Variants in JARID2 observed in about 807,000 individuals in gnomAD.
The protein encoded by JARID2 is protein Jumonji.
In JARID2, 21 loss-of-function variants were observed where a neutral mutation model predicts 125.6. That is an observed-to-expected ratio of 0.17 (90% CI 0.12 to 0.24). JARID2 has a LOEUF of 0.24. JARID2 is among the 10% of genes least tolerant of loss of function. The probability of loss-of-function intolerance (pLI) is 1.00; values close to 1 mark genes in which losing one functional copy is unlikely to be tolerated. For missense variants in JARID2, 1,303 were observed against 1,639.6 expected, an observed-to-expected ratio of 0.79 and a Z score of 3.55; for synonymous variants, 736 against 661.6, an observed-to-expected ratio of 1.11 and a Z score of -1.73.
intron 3 of JARID2, among the ~76,000 whole-genome samples, chr6:15,416,714 AG>A: frequency 1.1e-5 from 1 of 89,806 alleles, no homozygotes; most frequent in Non-Finnish European, 2.1e-5. Context: ...GGAGAGGGAG[AG>A]GGAGAGGGGG....
intron 2 of JARID2, among the ~76,000 whole-genome samples, chr6:15,388,692 G>A (rs1432723037): frequency 2.7e-5 from 4 of 150,370 alleles, no homozygotes; most frequent in African/African-American, 9.8e-5. Context: ...ATTATAAACC[G>A]GCAAGGCCAA....
intron 5 of JARID2, among the ~76,000 whole-genome samples, chr6:15,476,388 A>G (rs2064097): frequency 0.66 from 100,924 of 152,056 alleles, 33,761 homozygotes; most frequent in East Asian, 0.81. Flanking sequence ...GGACACACAC[A>G]CCATCCACAG....
chr6:15,432,804 T>G (rs756998664), intron 3 of JARID2, among the ~76,000 whole-genome samples: 18 of 152,250 alleles, frequency 1.2e-4, no homozygotes, highest in Non-Finnish European at 2.2e-4. Flanking sequence ...ATGTTTGGTT[T>G]GTATCTAAGC....
Position 15,247,415 on chromosome 6 carries a change from TGTG to T in JARID2, c.45+836_45+838del, listed in dbSNP as rs1241224244. 1.6e-5 allele frequency: 16 copies of T among 973,342 alleles called. No individual in the cohort carries two copies. In the East Asian group the frequency reaches 1.8e-3, roughly 107 times the overall value. The allele number at this position is 973,342 out of a possible 1,614,324, so 60.3% of individuals were successfully genotyped here. A position where few individuals can be genotyped will look rare whatever the true frequency, so the allele number is the denominator to read the frequency against. On this transcript the variant is annotated intron_variant, in intron 1 of 17. Coordinates refer to ENST00000341776, the MANE Select transcript of JARID2 (RefSeq NM_004973.4). ...GCATGGGGAGTGTTTTTGTTTTGTGTGTGGTGGCTTTTTTTTTTTTTTAAGTTT... is the reference window on the plus strand; with the variant it reads ...GCATGGGGAGTGTTTTTGTTTTGTGTGTGGCTTTTTTTTTTTTTTAAGTTT...
At chr6:15,281,819 A>C (rs1047107842) in intron 1 of JARID2, among the ~76,000 whole-genome samples, 1 of 152,156 alleles carries the variant, frequency 6.6e-6, no homozygotes, top group Admixed American at 6.5e-5. Context: ...TAGGTTGTTC[A>C]TGCTGTTTTG....
Position 15,487,484 on chromosome 6 carries a change from T to C in JARID2, c.848T>C (p.Leu283Pro). The change falls in exon 6 of 18, where the codon CTT becomes CCT. Residue 283 changes from leucine to proline, a missense_variant. Physicochemically the swap from Leu to Pro is moderately conservative, Grantham distance 98. This residue lies in a region of JARID2 where 651 missense variants were observed against 581.6 expected (regional missense o/e 1.12). Coordinates refer to ENST00000341776, the MANE Select transcript of JARID2 (RefSeq NM_004973.4). ...TCCACGGGTTCCTCGGCCAAGGGGC[T>C]TGCTGCCACCCATCACCACCCCCCT... is the stretch of plus-strand genomic sequence containing the variant. ...APSTGSSAKG[L>P]AATHHHPPLH... is the part of the protein sequence containing the mutation. The C allele has an allele frequency of 6.2e-7, 1 of 1,614,094 alleles. No individual in the cohort carries two copies. Among genetic ancestry groups the C allele is most frequent in the Non-Finnish European group, 8.5e-7 (1 of 1,179,976 alleles).
At chr6:15,504,750 C>A (rs1035497631) in intron 9 of JARID2, among the ~76,000 whole-genome samples, 158 bp downstream of exon 9, 3 of 152,098 alleles carry the variant, frequency 2.0e-5, no homozygotes, top group Admixed American at 6.5e-5. Flanking sequence ...ACCAGGGCAG[C>A]CAAATGTTTT....
At chr6:15,395,814 A>C (rs1015590620) in intron 2 of JARID2, among the ~76,000 whole-genome samples, 5 of 151,482 alleles carry the variant, frequency 3.3e-5, no homozygotes, top group African/African-American at 1.2e-4. Context: ...ACAGGTGTGC[A>C]CCACCATGCC....
Position 15,494,900 on chromosome 6 carries a change from G to A in JARID2, c.907-1232G>A, listed in dbSNP as rs1202266787. ...TGTGGCCAGCTCTCCTGACCAGGAAGTGCAGGCTCCCCCGACCCTGGCACC... is the reference window on the plus strand; with the variant it reads ...TGTGGCCAGCTCTCCTGACCAGGAAATGCAGGCTCCCCCGACCCTGGCACC... On this transcript the variant is annotated intron_variant, in intron 6 of 17. Transcript: ENST00000341776. Among the ~76,000 whole-genome samples the A allele has an allele frequency of 4.6e-5, 7 of 152,338 alleles. No individual in the cohort carries two copies. The East Asian group carries it at 1.4e-3, about 29-fold the overall frequency.
intron 12 of JARID2, 28 bp from the exon 13 acceptor site, chr6:15,511,268 T>C (rs754424878): frequency 1.3e-6 from 2 of 1,513,686 alleles, no homozygotes; most frequent in Admixed American, 3.3e-5. Context: ...AAGTCTCTGC[T>C]TGTCTCTTGT....
intron 2 of JARID2, among the ~76,000 whole-genome samples, chr6:15,405,866 A>G (rs1471761996): frequency 6.6e-6 from 1 of 152,198 alleles, no homozygotes; most frequent in African/African-American, 2.4e-5. Flanking sequence ...GTCATATTCC[A>G]TCTTGCTGAC....
At chr6:15,473,119 C>T (rs1769156653) in intron 5 of JARID2, among the ~76,000 whole-genome samples, 1 of 152,166 alleles carries the variant, frequency 6.6e-6, no homozygotes, top group South Asian at 2.1e-4. Context: ...GGAGAGAGCT[C>T]AAACTCATTT....
intron 4 of JARID2, among the ~76,000 whole-genome samples, chr6:15,453,296 C>T (rs116363111): frequency 5.3e-4 from 81 of 152,362 alleles, no homozygotes; most frequent in African/African-American, 1.9e-3. Flanking sequence ...AAGAGTTCCT[C>T]ATTGTTTGTC....
At chr6:15,418,584 G>GT (rs1237623138) in intron 3 of JARID2, among the ~76,000 whole-genome samples, 1 of 152,158 alleles carries the variant, frequency 6.6e-6, no homozygotes, top group Admixed American at 6.5e-5. Flanking sequence ...ACTCTTAAGA[G>GT]TTTCTATTTA....
intron 1 of JARID2, among the ~76,000 whole-genome samples, chr6:15,306,480 G>A (rs1761832382): frequency 6.6e-6 from 1 of 151,618 alleles, no homozygotes; most frequent in South Asian, 2.1e-4. Flanking sequence ...GATTACAAAC[G>A]CCTGCCACAC....
At chr6:15,436,852 C>T (rs749623240) in intron 3 of JARID2, among the ~76,000 whole-genome samples, 2 of 151,614 alleles carry the variant, frequency 1.3e-5, no homozygotes, top group Non-Finnish European at 2.9e-5. Context: ...CTGTGTTTTC[C>T]TATTCAGTTA....
At chr6:15,419,404 G>A (rs1766384611) in intron 3 of JARID2, among the ~76,000 whole-genome samples, 1 of 152,162 alleles carries the variant, frequency 6.6e-6, no homozygotes, top group South Asian at 2.1e-4. Context: ...GTAAATATGG[G>A]TAAATCTCGC....
chr6:15,360,032 A>G (rs1763737495), intron 1 of JARID2, among the ~76,000 whole-genome samples: 1 of 152,126 alleles, frequency 6.6e-6, no homozygotes, highest in Admixed American at 6.5e-5. Context: ...AGCAAAACCA[A>G]AACCTCATCT....
chr6:15,359,836 G>A (rs893018317), intron 1 of JARID2, among the ~76,000 whole-genome samples: 7 of 151,870 alleles, frequency 4.6e-5, no homozygotes, highest in Admixed American at 2.6e-4. Flanking sequence ...ACAGGCACCC[G>A]CCACCATGCC....
Sources: gnomAD v4.1 joint callset for allele counts (sites outside exome capture counted in the v4.1 genomes callset) on GRCh38, gnomAD v4.1.1 for gene constraint, gnomAD v4.1.1 regional missense constraint, MANE v1.5 for transcripts, NCBI Gene and HGNC (gene_info 2026-07-23, HGNC 2026-07-21) for gene names.